The following SCAF8 variants were observed in gnomAD, a reference collection of about 807,000 sequenced individuals.
SCAF8 encodes SR-related and CTD-associated factor 8.
A neutral mutation model predicts 140.5 loss-of-function variants in SCAF8; 23 were observed. The ratio of observed to expected loss-of-function variants is 0.16; its 90% CI spans 0.12 to 0.23. SCAF8 has a LOEUF of 0.23. SCAF8 is among the 10% of genes least tolerant of loss of function. The probability of loss-of-function intolerance (pLI) is 1.00; values close to 1 mark genes in which losing one functional copy is unlikely to be tolerated. For missense variants in SCAF8, 1,397 were observed against 1,555.7 expected (o/e 0.90, Z 1.72); for synonymous variants, 575 against 528.9 (o/e 1.09, Z -1.20).
At chr6:154,746,015 A>G (rs1459750124) in intron 1 of SCAF8, among the ~76,000 whole-genome samples, 1 of 152,056 alleles carries the variant, frequency 6.6e-6, no homozygotes, top group East Asian at 1.9e-4. Context: ...CCTCCTGACT[A>G]GCTGGGGCCA....
chr6:154,802,531 T>C (rs928424673), intron 7 of SCAF8, among the ~76,000 whole-genome samples: 2 of 151,894 alleles, frequency 1.3e-5, no homozygotes, highest in Non-Finnish European at 2.9e-5. Context: ...GAAGGAGAAT[T>C]GCTTGTACCT....
At chr6:154,794,780 G>GGGGT (rs1777544977) in intron 5 of SCAF8, among the ~76,000 whole-genome samples, 20 of 12,536 alleles carry the variant, frequency 1.6e-3, no homozygotes, top group Admixed American at 3.1e-3. Flanking sequence ...GGGTGTGGGG[G>GGGGT]GTGTGTGTGT....
At chr6:154,816,325 G>C (rs1490800964) in intron 13 of SCAF8, among the ~76,000 whole-genome samples, 1 of 152,160 alleles carries the variant, frequency 6.6e-6, no homozygotes, top group African/African-American at 2.4e-5. Context: ...AAGAAAATCA[G>C]TATGGCCAGC....
intron 12 of SCAF8, among the ~76,000 whole-genome samples, chr6:154,811,524 G>A (rs117854960): frequency 0.014 from 2,142 of 151,858 alleles, 18 homozygotes; most frequent in Non-Finnish European, 0.022. Flanking sequence ...CCATCAACCC[G>A]TCATCTAAGT....
intron 12 of SCAF8, among the ~76,000 whole-genome samples, chr6:154,812,176 CTTTTTTTTT>C (rs67493657): frequency 9.4e-6 from 1 of 106,404 alleles, no homozygotes; most frequent in African/African-American, 3.8e-5. Flanking sequence ...AAGATACTGC[CTTTTTTTTT>C]TTTTTTTTTT....
chr6:154,825,533 T>G (rs780149422), intron 17 of SCAF8, among the ~76,000 whole-genome samples: 3 of 149,730 alleles, frequency 2.0e-5, no homozygotes, highest in Non-Finnish European at 3.0e-5. Context: ...AGTAGCCAGG[T>G]GAGGTGGTAC....
intron 1 of SCAF8, among the ~76,000 whole-genome samples, chr6:154,760,855 C>T (rs1305878970): frequency 6.6e-6 from 1 of 152,176 alleles, no homozygotes; most frequent in Non-Finnish European, 1.5e-5. Flanking sequence ...ATGGTAAAGG[C>T]TCACTGCATC....
At chr6:154,821,731 G>GT (rs1778428208) in intron 15 of SCAF8, among the ~76,000 whole-genome samples, 1 of 152,184 alleles carries the variant, frequency 6.6e-6, no homozygotes, top group Non-Finnish European at 1.5e-5. Flanking sequence ...CAGAGTGAGT[G>GT]AGGAATGAGT....
intron 5 of SCAF8, 51 bp downstream of exon 5, chr6:154,793,027 T>G (rs1318177259): frequency 7.1e-7 from 1 of 1,413,776 alleles, no homozygotes; most frequent in Non-Finnish European, 9.5e-7. Flanking sequence ...CTCATACTTT[T>G]TGGATGACTG....
Position 154,805,354 on chromosome 6 carries a change from T to C in SCAF8, c.864-15T>C, listed in dbSNP as rs913604865. On this transcript the variant is annotated splice_polypyrimidine_tract_variant and intron_variant, in intron 8 of 19. Transcript: ENST00000367178. ...GTGGGTTTTAAAATATGTTTCCACC[T>C]GTTTTTCCTTTTAGTTCTCACGTTT... 2.1e-6 allele frequency: 3 copies of C among 1,459,994 alleles called. No homozygotes were observed. The highest frequency in any genetic ancestry group is 2.8e-5 in the African/African-American group (2 of 71,740). 90.4% of individuals were successfully genotyped at this position (1,459,994 alleles called of 1,614,324 possible).
rs910757277 is a variant in SCAF8, at chr6:154,765,483, A to G, written c.31-8506A>G. ...TTAACAAAATTAAACACAATAGAAA[A>G]CAGTTTATTTTTGTATCCAACGAAA... On this transcript the variant is annotated intron_variant, in intron 1 of 19. Transcript: ENST00000367178. Among the ~76,000 whole-genome samples, 7 of 152,232 alleles carry G rather than the reference A, an allele frequency of 4.6e-5. No individual in the cohort carries two copies. In the East Asian group the frequency reaches 5.8e-4, roughly 13 times the overall value.
At chr6:154,825,564 T>C (rs1424995643) in intron 17 of SCAF8, among the ~76,000 whole-genome samples, 1 of 142,044 alleles carries the variant, frequency 7.0e-6, no homozygotes, top group African/African-American at 2.7e-5. Flanking sequence ...TCCCAGCTAC[T>C]CAGGAGGCTT....
intron 2 of SCAF8, 143 bp downstream of exon 2, chr6:154,774,215 ATCTG>A (rs1776854364): frequency 1.6e-6 from 1 of 624,942 alleles, no homozygotes; most frequent in Non-Finnish European, 2.8e-6. Flanking sequence ...AAAAAAGAAA[ATCTG>A]TCACCTGTAG....
rs775219803 is a variant in SCAF8, at chr6:154,803,575, A to T, written c.815A>T (p.Asp272Val). 6.2e-7 allele frequency: 1 copy of T among 1,612,478 alleles called. No homozygotes were observed. Among genetic ancestry groups the T allele is most frequent in the Non-Finnish European group, 8.5e-7 (1 of 1,179,378 alleles). The change falls in exon 8 of 20, where the codon GAC (aspartate) becomes GTC (valine). Residue 272 changes from aspartate (D) to valine (V), a missense_variant. Physicochemically the swap from Asp to Val is radical, Grantham distance 152 (BLOSUM62 -3). Around this residue, in one of 5 missense-constraint regions of SCAF8, gnomAD observed 339 missense variants for 407.5 expected, o/e 0.83. Transcript: ENST00000367178. Reference sequence around the variant, plus strand: ...ATGGATAGGTTTGATTTTGGGGAAGACTCTGAGCATAGTGAAGAACCCAAA... The same window carrying T: ...ATGGATAGGTTTGATTTTGGGGAAGTCTCTGAGCATAGTGAAGAACCCAAA... ...KLMDRFDFGE[D>V]SEHSEEPKKE...
intron 4 of SCAF8, among the ~76,000 whole-genome samples, chr6:154,788,623 T>TA (rs1777322921): frequency 6.6e-6 from 1 of 152,208 alleles, no homozygotes; most frequent in Non-Finnish European, 1.5e-5. Flanking sequence ...ACATGAAACT[T>TA]ATTCACACAC....
intron 5 of SCAF8, among the ~76,000 whole-genome samples, chr6:154,793,392 A>G (rs1777481169): frequency 6.6e-6 from 1 of 152,016 alleles, no homozygotes; most frequent in South Asian, 2.1e-4. Context: ...AGGCATTTAA[A>G]TGACTATGAT....
intron 3 of SCAF8, 22 bp downstream of exon 3, chr6:154,778,067 C>T (rs759023156): frequency 8.6e-6 from 12 of 1,397,484 alleles, no homozygotes; most frequent in Non-Finnish European, 1.2e-5. Context: ...ATTTTCCATA[C>T]ATGTGCTGTA....
chr6:154,810,677 C>A (rs1778064257), intron 12 of SCAF8, among the ~76,000 whole-genome samples: 1 of 152,136 alleles, frequency 6.6e-6, no homozygotes, highest in African/African-American at 2.4e-5. Flanking sequence ...ACATGTTAGT[C>A]AATTACGTAT....
At chr6:154,743,719 G>A (rs1778627792) in intron 1 of SCAF8, among the ~76,000 whole-genome samples, 1 of 152,016 alleles carries the variant, frequency 6.6e-6, no homozygotes, top group African/African-American at 2.4e-5. Flanking sequence ...CTTTGATCTA[G>A]CAATGTTTTT....
Sources: gnomAD v4.1 joint callset for allele counts (sites outside exome capture counted in the v4.1 genomes callset) on GRCh38, gnomAD v4.1.1 for gene constraint, gnomAD v4.1.1 regional missense constraint, MANE v1.5 for transcripts, NCBI Gene and HGNC (gene_info 2026-07-23, HGNC 2026-07-21) for gene names.